UBE2J2: variants seen among roughly 807,000 people sequenced by gnomAD.
The protein encoded by UBE2J2 is ubiquitin-conjugating enzyme E2 J2.
UBE2J2 carries 5 observed loss-of-function variants against 28.6 expected under a neutral mutation model. The ratio of observed to expected loss-of-function variants is 0.17; its 90% CI spans 0.09 to 0.37. The LOEUF is 0.37. Ranked by LOEUF, UBE2J2 falls within the 10% of genes least tolerant of loss-of-function variation. The pLI, the probability that UBE2J2 is intolerant of heterozygous loss-of-function variation, is 1.00. For missense variants in UBE2J2, 226 were observed against 338.9 expected (o/e 0.67, Z 2.62); for synonymous variants, 138 against 139.7 (o/e 0.99, Z 0.09).
In UBE2J2 at chr1:1,273,704, G is replaced by A. The variant is rs1489938682; in HGVS notation, c.-39C>T. ...TGCGCGTGGGCCGCCGCCGCGCTCA[G>A]GCTCGCCGTAGTCGAGGCCGGAGCA... On this transcript the variant is annotated 5_prime_UTR_variant, in exon 1 of 7. Transcript: ENST00000349431. 6.6e-6 allele frequency: 1 copy of A among 152,422 alleles called. No individual in the cohort carries two copies. Among genetic ancestry groups the A allele is most frequent in the East Asian group, 1.9e-4 (1 of 5,178 alleles). 9.4% of individuals were successfully genotyped at this position (152,422 alleles called of 1,614,324 possible).
chr1:1,264,426 C>T (rs1639732050), intron 2 of UBE2J2, among the ~76,000 whole-genome samples: 1 of 152,192 alleles, frequency 6.6e-6, no homozygotes. Flanking sequence ...CGGCCAACAC[C>T]GGCCATCATC....
chr1:1,263,117 G>GGTGAACACAGACGCTACAGGCA (rs1553156115), intron 3 of UBE2J2: 3 of 509,012 alleles, frequency 5.9e-6, no homozygotes, highest in African/African-American at 5.0e-5. Context: ...GTCAGAGGCT[G>GGTGAACACAGACGCTACAGGCA]GTGAACACAG....
At chr1:1,263,225 T>A in intron 3 of UBE2J2, 121 bp downstream of exon 3, 1 of 927,224 alleles carries the variant, frequency 1.1e-6, no homozygotes, top group Admixed American at 1.9e-5. Context: ...TAAGCCAATT[T>A]AACTAGCACA....
intron 3 of UBE2J2, among the ~76,000 whole-genome samples, chr1:1,260,983 C>T (rs1325699864): frequency 1.3e-5 from 2 of 152,192 alleles, no homozygotes; most frequent in Non-Finnish European, 2.9e-5. Context: ...GCACCAGGGG[C>T]AGAACAGCCA....
Position 1,255,000 on chromosome 1 carries a change from C to T in UBE2J2, c.*203G>A, listed in dbSNP as rs1570529036. On this transcript the variant is annotated 3_prime_UTR_variant, in exon 7 of 7. Transcript: ENST00000349431. ...GCCCACCCACACCAGCCCCAGCGGC[C>T]CGTGGCCAGGACAGGGCTGAGGCTC... 7.4e-6 allele frequency: 4 copies of T among 541,778 alleles called. No homozygotes were observed. In the East Asian group the frequency reaches 1.2e-4, roughly 17 times the overall value. The allele number at this position is 541,778 out of a possible 1,614,324, so 33.6% of individuals were successfully genotyped here. A position where few individuals can be genotyped will look rare whatever the true frequency, so the allele number is the denominator to read the frequency against.
chr1:1,255,997 A>G, intron 6 of UBE2J2, 48 bp downstream of exon 6: 1 of 1,299,018 alleles, frequency 7.7e-7, no homozygotes, highest in Middle Eastern at 1.8e-4. Flanking sequence ...GGTGAAACTC[A>G]AGTGTTTTAA....
intron 3 of UBE2J2, among the ~76,000 whole-genome samples, chr1:1,260,238 A>T (rs1252038615): frequency 6.6e-6 from 1 of 152,238 alleles, no homozygotes; most frequent in Non-Finnish European, 1.5e-5. Context: ...CACCCAGAAG[A>T]CACAAGAGAT....
At chr1:1,266,259 A>G (rs1639856072) in intron 2 of UBE2J2, 1 of 994,788 alleles carries the variant, frequency 1.0e-6, no homozygotes, top group Non-Finnish European at 1.3e-6. Flanking sequence ...GCCGAAACAC[A>G]TTTCCTTTCA....
At chr1:1,265,603 TTGTGTGTGTGTGTGTG>T (rs57125925) in intron 2 of UBE2J2, among the ~76,000 whole-genome samples, 121 of 121,022 alleles carry the variant, frequency 1.0e-3, no homozygotes, top group African/African-American at 1.4e-3. Context: ...TTTCTCTCCA[TTGTGTGTGTGTGTGTG>T]TGTGTGTGTG....
At chr1:1,265,101 T>G (rs1022752199) in intron 2 of UBE2J2, among the ~76,000 whole-genome samples, 6 of 152,154 alleles carry the variant, frequency 3.9e-5, no homozygotes, top group African/African-American at 1.4e-4. Flanking sequence ...CTGCGAAAAC[T>G]GGGAAGAAAT....
intron 3 of UBE2J2, among the ~76,000 whole-genome samples, chr1:1,260,051 A>G (rs930203651): frequency 6.6e-6 from 1 of 152,108 alleles, no homozygotes; most frequent in South Asian, 2.1e-4. Flanking sequence ...GAAGACACAC[A>G]TGGCCAAGCA....
intron 1 of UBE2J2, among the ~76,000 whole-genome samples, chr1:1,269,071 C>T (rs1432614333): frequency 1.3e-5 from 2 of 151,788 alleles, no homozygotes; most frequent in Admixed American, 1.3e-4. Flanking sequence ...CAAGACAGCA[C>T]TGAAGGCCGA....
intron 2 of UBE2J2, 58 bp downstream of exon 2, chr1:1,267,804 C>T (rs1409262861): frequency 2.5e-6 from 4 of 1,595,778 alleles, no homozygotes; most frequent in Non-Finnish European, 3.4e-6. Flanking sequence ...CAGGGGCCGG[C>T]AGAGGCCTGC....
chr1:1,263,512 G>T (rs1639677901), intron 2 of UBE2J2, 126 bp from the exon 3 acceptor site: 2 of 851,730 alleles, frequency 2.3e-6, no homozygotes, highest in African/African-American at 3.3e-5. Context: ...GTGAACAAAT[G>T]AAGGTGAAAT....
At position 1,268,626 on chromosome 1, in the gene UBE2J2, T is replaced by A. The variant is rs1441507025; in HGVS notation, c.1-634A>T. Among the ~76,000 whole-genome samples the A allele has an allele frequency of 6.6e-6, 1 of 152,146 alleles. No individual in the cohort carries two copies. The highest frequency in any genetic ancestry group is 1.5e-5 in the Non-Finnish European group (1 of 68,022). The stretch of plus-strand genomic sequence containing the variant: ...ACAGGCCACACCTGAGAAAGTGCAG[T>A]GTGCAAGGGCCCAAGCACAGTGAGG... On this transcript the variant is annotated intron_variant, in intron 1 of 6. Coordinates refer to ENST00000349431, the MANE Select transcript of UBE2J2 (RefSeq NM_058167.3). The surrounding 1 kb of genome is among the most constrained non-coding windows in gnomAD (Gnocchi z 4.7).
intron 2 of UBE2J2, chr1:1,266,424 T>G (rs931738270): frequency 5.5e-6 from 1 of 183,406 alleles, no homozygotes; most frequent in African/African-American, 2.4e-5. Flanking sequence ...AAACCCCATC[T>G]CTAAGGCAGG....
At chr1:1,270,720 A>G (rs1008950079) in intron 1 of UBE2J2, among the ~76,000 whole-genome samples, 1 of 151,856 alleles carries the variant, frequency 6.6e-6, no homozygotes, top group Non-Finnish European at 1.5e-5. Flanking sequence ...TGTTCCGATC[A>G]CCCACTCCCC....
At chr1:1,262,394 G>A (rs1021678729) in intron 3 of UBE2J2, 1 of 452,040 alleles carries the variant, frequency 2.2e-6, no homozygotes, top group Middle Eastern at 3.3e-4. Flanking sequence ...GGGATTCCTG[G>A]GCCAAAGGAG....
intron 1 of UBE2J2, among the ~76,000 whole-genome samples, chr1:1,269,446 C>A (rs1640038955): frequency 6.6e-6 from 1 of 151,636 alleles, no homozygotes; most frequent in East Asian, 1.9e-4. Context: ...CAGACTAGCT[C>A]CAACTCAAAC....
Sources: allele counts gnomAD v4.1 joint callset (sites outside exome capture counted in the v4.1 genomes callset), GRCh38; gene constraint gnomAD v4.1.1; non-coding constraint Gnocchi (gnomAD v3.1); transcripts MANE v1.5; gene names NCBI Gene and HGNC (gene_info 2026-07-23, HGNC 2026-07-21).